The following SCAMP1 variants were observed in gnomAD, a reference collection of about 807,000 sequenced individuals.
SCAMP1 encodes the protein secretory carrier-associated membrane protein 1.
A neutral mutation model predicts 41.8 loss-of-function variants in SCAMP1; 15 were observed. The ratio of observed to expected loss-of-function variants is 0.36; its 90% CI spans 0.24 to 0.55. The LOEUF (loss-of-function observed/expected upper bound fraction) is 0.55. Among genes scored for constraint, SCAMP1 ranks in the 20% least tolerant of loss-of-function variants. The pLI is 0.86. For synonymous variants in SCAMP1, 135 were observed against 136.8 expected (o/e 0.99, Z 0.09); for missense variants, 341 against 412.6 (o/e 0.83, Z 1.50).
chr5:78,475,764 G>A lies in SCAMP1; in HGVS notation c.*96G>A. On this transcript the variant is annotated 3_prime_UTR_variant, in exon 9 of 9. Coordinates refer to ENST00000621999, the MANE Select transcript of SCAMP1 (RefSeq NM_004866.6). ...TTTTATGTTCAAAACACACAGTACA[G>A]ACAGCATGGATATTTCCTGTTCACT... The A allele has an allele frequency of 1.1e-6, 1 of 941,204 alleles. No homozygotes were observed. Among genetic ancestry groups the A allele is most frequent in the South Asian group, 2.8e-5 (1 of 35,338 alleles). 58.3% of individuals were successfully genotyped at this position (941,204 alleles called of 1,614,324 possible).
At chr5:78,367,415 A>G (rs1460055874) in intron 1 of SCAMP1, among the ~76,000 whole-genome samples, 1 of 152,090 alleles carries the variant, frequency 6.6e-6, no homozygotes, top group East Asian at 1.9e-4. Flanking sequence ...TTATGGTTTC[A>G]GATATCCTTA....
intron 6 of SCAMP1, among the ~76,000 whole-genome samples, chr5:78,434,071 C>T (rs1752686185): frequency 6.6e-6 from 1 of 152,168 alleles, no homozygotes; most frequent in African/African-American, 2.4e-5. Context: ...TTGGTGGCTG[C>T]TCTTTGCCTC....
At chr5:78,473,919 A>G (rs1753943857) in intron 8 of SCAMP1, among the ~76,000 whole-genome samples, 1 of 152,122 alleles carries the variant, frequency 6.6e-6, no homozygotes, top group East Asian at 1.9e-4. Context: ...ATGATTTCTC[A>G]TAGTTCTAGA....
intron 6 of SCAMP1, among the ~76,000 whole-genome samples, chr5:78,428,345 G>GA (rs1443369468): frequency 1.3e-5 from 2 of 152,028 alleles, no homozygotes; most frequent in East Asian, 3.9e-4. Flanking sequence ...TACTTCTGTT[G>GA]AAAAATCACT....
At chr5:78,398,790 C>T (rs2112105723) in intron 2 of SCAMP1, among the ~76,000 whole-genome samples, 1 of 152,184 alleles carries the variant, frequency 6.6e-6, no homozygotes, top group Non-Finnish European at 1.5e-5. Flanking sequence ...GGTGATCCCC[C>T]TGCCTCAACC....
chr5:78,398,355 CTTTTTTTTTTTTT>C (rs1197381285), intron 2 of SCAMP1, among the ~76,000 whole-genome samples: 3 of 57,464 alleles, frequency 5.2e-5, no homozygotes, highest in African/African-American at 7.5e-5. Context: ...GGGTTCACCT[CTTTTTTTTTTTTT>C]TTTTTTTTTT....
chr5:78,458,183 TC>T (rs1753482631), intron 7 of SCAMP1, among the ~76,000 whole-genome samples: 1 of 152,244 alleles, frequency 6.6e-6, no homozygotes, highest in African/African-American at 2.4e-5. Context: ...CCGGAGCTGT[TC>T]CTATTCGGCC....
chr5:78,409,862 G>A (rs1307807819), intron 2 of SCAMP1, among the ~76,000 whole-genome samples: 1 of 152,060 alleles, frequency 6.6e-6, no homozygotes, highest in East Asian at 1.9e-4. Flanking sequence ...TACATTCTTG[G>A]GTAATTTCTT....
rs747550401 is a variant in SCAMP1 at position 78,467,201 on chromosome 5, A to C, written c.852+7839A>C. Among the ~76,000 whole-genome samples the C allele has an allele frequency of 2.0e-5, 3 of 152,204 alleles. No homozygotes were observed. In the South Asian group the frequency reaches 6.2e-4, roughly 32 times the overall value. On this transcript the variant is annotated intron_variant, in intron 8 of 8. Transcript: ENST00000621999. ...TGACTTGTTGAAGTAAATGAAGCCT[A>C]GAAAGTGTATGGAGTCAGAAGAGGG...
At chr5:78,377,813 A>G (rs1751103893) in intron 1 of SCAMP1, among the ~76,000 whole-genome samples, 1 of 152,216 alleles carries the variant, frequency 6.6e-6, no homozygotes, top group Admixed American at 6.5e-5. Flanking sequence ...TGTGGAAACT[A>G]TATTAAGCAC....
chr5:78,391,203 G>A (rs1384471781), intron 2 of SCAMP1, among the ~76,000 whole-genome samples: 108 of 151,348 alleles, frequency 7.1e-4, no homozygotes, highest in African/African-American at 2.5e-3. Flanking sequence ...CGGGCAGAGG[G>A]GCTCCTCACT....
intron 2 of SCAMP1, among the ~76,000 whole-genome samples, chr5:78,410,847 T>C (rs1056890325): frequency 6.6e-6 from 1 of 152,226 alleles, no homozygotes; most frequent in African/African-American, 2.4e-5. Context: ...TTCTGACTGG[T>C]GTGAGACGGT....
At chr5:78,424,087 G>C (rs1409136703) in intron 6 of SCAMP1, among the ~76,000 whole-genome samples, 1 of 151,342 alleles carries the variant, frequency 6.6e-6, no homozygotes, top group Non-Finnish European at 1.5e-5. Context: ...CAGGTGATCC[G>C]CCCACCTTGG....
intron 8 of SCAMP1, among the ~76,000 whole-genome samples, chr5:78,471,424 G>A (rs952928127): frequency 3.9e-5 from 6 of 152,008 alleles, no homozygotes; most frequent in South Asian, 2.1e-4. Flanking sequence ...AGGCTTAGAC[G>A]TCCATACTTT....
chr5:78,439,259 G>A (rs1752852859), intron 6 of SCAMP1, among the ~76,000 whole-genome samples: 1 of 151,640 alleles, frequency 6.6e-6, no homozygotes, highest in Non-Finnish European at 1.5e-5. Flanking sequence ...CTGTCATTAT[G>A]ATGTTCGCTG....
intron 2 of SCAMP1, among the ~76,000 whole-genome samples, chr5:78,398,697 C>A (rs1751722262): frequency 6.6e-6 from 1 of 151,596 alleles, no homozygotes; most frequent in African/African-American, 2.4e-5. Flanking sequence ...GTTTGCGCCA[C>A]CACACCCGCC....
Position 78,457,217 on chromosome 5 carries a change from G to A in SCAMP1, c.735-2028G>A, listed in dbSNP as rs191924763. On this transcript the variant is annotated intron_variant, in intron 7 of 8. Transcript: ENST00000621999. ...GTCATTCTCCATCCAGCTTTGTTCC[G>A]TTGCTGGTGAGGAACTGCGTTCCTT... Among the ~76,000 whole-genome samples the A allele has an allele frequency of 5.5e-3, 834 of 152,276 alleles. 6 individuals are homozygous for A. Among genetic ancestry groups the A allele is most frequent in the African/African-American group, 0.013 (528 of 41,540 alleles).
intron 6 of SCAMP1, among the ~76,000 whole-genome samples, chr5:78,432,056 C>T (rs1373828730): frequency 6.6e-6 from 1 of 152,044 alleles, no homozygotes; most frequent in Non-Finnish European, 1.5e-5. Flanking sequence ...CTAAGTTACT[C>T]ATTCTTTCTA....
intron 6 of SCAMP1, among the ~76,000 whole-genome samples, chr5:78,428,285 A>T (rs1379493279): frequency 6.6e-6 from 1 of 152,182 alleles, no homozygotes. Context: ...ATATCCAAAT[A>T]TTCCTCCACT....
Sources: gnomAD v4.1 joint callset for allele counts (sites outside exome capture counted in the v4.1 genomes callset) on GRCh38, gnomAD v4.1.1 for gene constraint, MANE v1.5 for transcripts, NCBI Gene and HGNC (gene_info 2026-07-23, HGNC 2026-07-21) for gene names.